The following PIK3C2A variants were observed in gnomAD, a reference collection of about 807,000 sequenced individuals.
PIK3C2A encodes phosphatidylinositol 4-phosphate 3-kinase C2 domain-containing subunit alpha.
Under a neutral mutation model 204.5 loss-of-function variants are expected in PIK3C2A, and 97 were observed. That is an observed-to-expected ratio of 0.47 (90% CI 0.40 to 0.56). PIK3C2A has a LOEUF of 0.56. PIK3C2A is among the 20% of genes least tolerant of loss of function. The pLI is 0.00. For missense variants in PIK3C2A, 1,735 were observed against 1,969.2 expected (o/e 0.88, Z 2.25); for synonymous variants, 653 against 664.4 (o/e 0.98, Z 0.26).
At chr11:17,143,502 G>A (rs751286298) in intron 8 of PIK3C2A, among the ~76,000 whole-genome samples, 16 of 151,940 alleles carry the variant, frequency 1.1e-4, no homozygotes, top group Admixed American at 5.2e-4. Flanking sequence ...GCAGGAGTCG[G>A]CCAACTTTTT....
intron 1 of PIK3C2A, among the ~76,000 whole-genome samples, chr11:17,205,291 T>C (rs1012369290): frequency 4.0e-5 from 6 of 151,714 alleles, no homozygotes; most frequent in Non-Finnish European, 8.8e-5. Flanking sequence ...CCAACCAACA[T>C]GGTGAAACCC....
At chr11:17,168,136 G>A (rs1387299053) in intron 2 of PIK3C2A, among the ~76,000 whole-genome samples, 1 of 152,060 alleles carries the variant, frequency 6.6e-6, no homozygotes, top group Non-Finnish European at 1.5e-5. Flanking sequence ...TTCATTAGAG[G>A]CTTTTTATTT....
intron 11 of PIK3C2A, 60 bp from the exon 12 acceptor site, chr11:17,132,098 C>CAAAT: frequency 1.0e-6 from 1 of 975,630 alleles, no homozygotes; most frequent in Non-Finnish European, 1.5e-6. Context: ...TTAACTAATA[C>CAAAT]AAATACATTA....
At position 17,119,969 on chromosome 11, in the gene PIK3C2A, G is replaced by GAT. The variant is rs1555020573; in HGVS notation, c.2662_2663insAT (p.Ser888TyrfsTer27). 13 of 1,482,176 alleles carry GAT rather than the reference G, an allele frequency of 8.8e-6. No individual in the cohort carries two copies. The highest frequency in any genetic ancestry group is 1.1e-5 in the Non-Finnish European group (12 of 1,070,222). 91.8% of individuals were successfully genotyped at this position (1,482,176 alleles called of 1,614,324 possible). On this transcript the variant is annotated frameshift_variant, in exon 16 of 33. Transcript: ENST00000691414. LOFTEE classifies it high-confidence loss of function. ...CCATAAAAAAGCTTTATCTTCTTTAGAAAGTCTGCATATATAATAGAATTA... is the reference window on the plus strand; with the variant it reads ...CCATAAAAAAGCTTTATCTTCTTTAGATAAAGTCTGCATATATAATAGAATTA...
chr11:17,100,253 G>C (rs1056784783), intron 25 of PIK3C2A, among the ~76,000 whole-genome samples: 66 of 122,872 alleles, frequency 5.4e-4, no homozygotes, highest in African/African-American at 1.8e-3. Context: ...TGGGGGCGGG[G>C]GGGGGGGGCA....
chr11:17,101,844 C>A (rs1413424945), intron 24 of PIK3C2A, among the ~76,000 whole-genome samples: 44 of 152,002 alleles, frequency 2.9e-4, no homozygotes, highest in Middle Eastern at 6.8e-3. Flanking sequence ...ACCTTGTGAT[C>A]CGCCCGCCTT....
chr11:17,101,567 G>T, intron 24 of PIK3C2A, 133 bp from the exon 25 acceptor site: 1 of 415,530 alleles, frequency 2.4e-6, no homozygotes, highest in East Asian at 3.5e-5. Flanking sequence ...ACACACTTTT[G>T]AATTTCCATA....
Position 17,131,444 on chromosome 11 carries a change from T to C in PIK3C2A, c.2231+472A>G, listed in dbSNP as rs1849691604. 2.2e-5 allele frequency among the ~76,000 whole-genome samples: 3 copies of C among 133,668 alleles called. No homozygotes were observed. The South Asian group carries it at 7.1e-4, about 32-fold the overall frequency. The allele number at this position is 133,668 out of a possible 152,430, so 87.7% of individuals were successfully genotyped here. Reference sequence around the variant, plus strand: ...ATTTTTTTTTTTTTTTTTTTTGAGATGGAGTCTTGCTCTGTTGCCTAGGCT... The same window carrying C: ...ATTTTTTTTTTTTTTTTTTTTGAGACGGAGTCTTGCTCTGTTGCCTAGGCT... On this transcript the variant is annotated intron_variant, in intron 12 of 32. Coordinates refer to ENST00000691414, the MANE Select transcript of PIK3C2A (RefSeq NM_002645.4).
Position 17,122,770 on chromosome 11 carries a change from A to T in PIK3C2A, c.2443T>A (p.Ser815Thr). Reference protein sequence around the residue: ...GTKLLYLWTSSHTNSVPGTVT... With the variant: ...GTKLLYLWTSTHTNSVPGTVT... ...GTTCCAGGAACAGAATTTGTATGTG[A>T]TGAAGTCCAAAGATATAGAAGTTTA... The change falls in exon 14 of 33, where the codon TCA (serine) becomes ACA (threonine). Residue 815 changes from serine (S) to threonine (T), a missense_variant. This residue lies in a region of PIK3C2A where 567 missense variants were observed against 576.0 expected (regional missense o/e 0.98). Coordinates refer to ENST00000691414, the MANE Select transcript of PIK3C2A (RefSeq NM_002645.4). 1 of 1,565,778 alleles carries T rather than the reference A, an allele frequency of 6.4e-7. No homozygotes were observed. Among genetic ancestry groups the T allele is most frequent in the Non-Finnish European group, 8.8e-7 (1 of 1,139,688 alleles).
chr11:17,125,434 C>T (rs999203854), intron 13 of PIK3C2A, among the ~76,000 whole-genome samples: 3 of 152,064 alleles, frequency 2.0e-5, no homozygotes, highest in Admixed American at 6.5e-5. Flanking sequence ...AAACCCTGGC[C>T]GAAATCTATT....
intron 1 of PIK3C2A, among the ~76,000 whole-genome samples, chr11:17,174,857 A>G (rs189102481): frequency 4.6e-5 from 7 of 152,090 alleles, no homozygotes; most frequent in African/African-American, 1.7e-4. Flanking sequence ...AGCCAAGGTC[A>G]CCATTGCACT....
chr11:17,096,178 A>G (rs1354901043), intron 27 of PIK3C2A, among the ~76,000 whole-genome samples: 1 of 152,032 alleles, frequency 6.6e-6, no homozygotes, highest in Non-Finnish European at 1.5e-5. Flanking sequence ...AGCTGGGACT[A>G]CAGACACATG....
rs200668631 is a variant in PIK3C2A, at chr11:17,110,427, C to T, written c.3544+5G>A. ...AAGACATCAAGACACAGCTAATAAACTTACCTCGATCTCTGCCAGTTGAGA... is the reference window on the plus strand; with the variant it reads ...AAGACATCAAGACACAGCTAATAAATTTACCTCGATCTCTGCCAGTTGAGA... On this transcript the variant is annotated splice_donor_5th_base_variant and intron_variant, in intron 22 of 32. Transcript: ENST00000691414. 19 of 1,606,610 alleles carry T rather than the reference C, an allele frequency of 1.2e-5. No homozygotes were observed. Among genetic ancestry groups the T allele is most frequent in the Middle Eastern group, 1.7e-4 (1 of 6,022 alleles).
intron 21 of PIK3C2A, among the ~76,000 whole-genome samples, chr11:17,111,222 T>TA (rs751795138): frequency 3.5e-4 from 53 of 152,284 alleles, no homozygotes; most frequent in Non-Finnish European, 5.9e-4. Flanking sequence ...TTCAATTTTC[T>TA]AAAAAGGCAA....
At chr11:17,107,445 T>C (rs1416984788) in intron 22 of PIK3C2A, among the ~76,000 whole-genome samples, 1 of 152,184 alleles carries the variant, frequency 6.6e-6, no homozygotes, top group Non-Finnish European at 1.5e-5. Flanking sequence ...AAAATCCAGA[T>C]GGAGAACTGT....
chr11:17,188,264 A>G (rs1350203337), intron 1 of PIK3C2A, among the ~76,000 whole-genome samples: 4 of 146,174 alleles, frequency 2.7e-5, no homozygotes, highest in African/African-American at 1.1e-4. Context: ...ACTTGAGCCC[A>G]GGAGGTGGAG....
rs146769185 is a variant in PIK3C2A, at chr11:17,106,397, G to A, written c.3545-1092C>T. On this transcript the variant is annotated intron_variant, in intron 22 of 32. Transcript: ENST00000691414. ...ACTGCGCTCCAGCCTGGACGACAGC[G>A]AGACCCTGTCTTCAAAAAAAATAAA... 4.2e-3 allele frequency among the ~76,000 whole-genome samples: 644 copies of A among 152,160 alleles called. 18 individuals carry two copies. Among genetic ancestry groups the A allele is most frequent in the Admixed American group, 0.031 (479 of 15,270 alleles).
chr11:17,132,285 A>T (rs1849720066), intron 11 of PIK3C2A, among the ~76,000 whole-genome samples: 1 of 151,264 alleles, frequency 6.6e-6, no homozygotes, highest in Non-Finnish European at 1.5e-5. Flanking sequence ...AAGCATGGTC[A>T]TAATAACACC....
In PIK3C2A at chr11:17,174,413, C is replaced by T. The variant is rs1305763766; in HGVS notation, c.-65-4607G>A. ...CCATCCTGGCTAAAACGGTGAAACC[C>T]CGTCTCTACTAAAAAAAAAAATACA... On this transcript the variant is annotated intron_variant, in intron 1 of 32. Coordinates refer to ENST00000691414, the MANE Select transcript of PIK3C2A (RefSeq NM_002645.4). Among the ~76,000 whole-genome samples the T allele has an allele frequency of 3.7e-5, 3 of 80,768 alleles. 1 individual carries two copies. The highest frequency in any genetic ancestry group is 4.7e-5 in the Non-Finnish European group (2 of 42,458). The allele number at this position is 80,768 out of a possible 152,430, so 53.0% of individuals were successfully genotyped here. A position where few individuals can be genotyped will look rare whatever the true frequency, so the allele number is the denominator to read the frequency against.
Sources: gnomAD v4.1 joint callset for allele counts (sites outside exome capture counted in the v4.1 genomes callset) on GRCh38, gnomAD v4.1.1 for gene constraint, gnomAD v4.1.1 regional missense constraint, MANE v1.5 for transcripts, NCBI Gene and HGNC (gene_info 2026-07-23, HGNC 2026-07-21) for gene names.